The following SCFD1 variants were observed in gnomAD, a reference collection of about 807,000 sequenced individuals.
SCFD1 encodes sec1 family domain containing 1, also known as sec1 family domain-containing protein 1.
Under a neutral mutation model 103.2 loss-of-function variants are expected in SCFD1, and 37 were observed. The ratio of observed to expected loss-of-function variants is 0.36; its 90% CI spans 0.28 to 0.47. SCFD1 has a LOEUF of 0.47. Ranked by LOEUF, SCFD1 falls within the 20% of genes least tolerant of loss-of-function variation. The pLI is 1.00. For synonymous variants in SCFD1, 264 were observed against 245.0 expected (o/e 1.08, Z -0.73); for missense variants, 639 against 761.2 (o/e 0.84, Z 1.89).
At chr14:30,653,694 G>A in intron 10 of SCFD1, 106 bp downstream of exon 10, 1 of 719,050 alleles carries the variant, frequency 1.4e-6, no homozygotes, top group South Asian at 1.8e-5. Context: ...GAGAAGGATG[G>A]AACTGAGACC....
intron 23 of SCFD1, among the ~76,000 whole-genome samples, chr14:30,726,272 CCT>C (rs1340272627): frequency 6.6e-6 from 1 of 152,174 alleles, no homozygotes; most frequent in South Asian, 2.1e-4. Flanking sequence ...GACAGTTTTA[CCT>C]CTTTCTACCA....
chr14:30,640,611 A>T (rs989103118), intron 6 of SCFD1, among the ~76,000 whole-genome samples: 3 of 152,096 alleles, frequency 2.0e-5, no homozygotes, highest in Non-Finnish European at 4.4e-5. Flanking sequence ...TAACAAGTTT[A>T]ATCAGAAAAA....
intron 14 of SCFD1, among the ~76,000 whole-genome samples, chr14:30,692,303 G>C (rs1890372531): frequency 6.6e-6 from 1 of 152,146 alleles, no homozygotes; most frequent in East Asian, 1.9e-4. Context: ...GCTCTAAGGA[G>C]TTTACAGTTT....
chr14:30,682,992 C>T, intron 14 of SCFD1: 2 of 855,900 alleles, frequency 2.3e-6, no homozygotes, highest in Non-Finnish European at 3.6e-6. Flanking sequence ...AAAAGACAGA[C>T]CATCTAAGGA....
chr14:30,629,260 A>G (rs1883848588), intron 2 of SCFD1, among the ~76,000 whole-genome samples: 1 of 152,168 alleles, frequency 6.6e-6, no homozygotes, highest in South Asian at 2.1e-4. Context: ...TGCAACGTGA[A>G]CCTTTTATAA....
At chr14:30,631,026 A>G (rs1269490613) in intron 3 of SCFD1, 4 of 156,612 alleles carry the variant, frequency 2.6e-5, no homozygotes, top group African/African-American at 4.8e-5. Context: ...ACATTGGCCT[A>G]CAGTTGGGCA....
intron 5 of SCFD1, 131 bp from the exon 6 acceptor site, chr14:30,639,646 C>A: frequency 1.0e-6 from 1 of 959,980 alleles, no homozygotes; most frequent in Non-Finnish European, 1.4e-6. Context: ...TTACACAGTA[C>A]AATTTTTAGT....
intron 10 of SCFD1, among the ~76,000 whole-genome samples, chr14:30,669,465 GA>G (rs1888334557): frequency 6.6e-6 from 1 of 151,918 alleles, no homozygotes; most frequent in Admixed American, 6.6e-5. Context: ...GAAGTTGGGG[GA>G]AAGAAAAAAG....
At chr14:30,691,497 C>T (rs1324711440) in intron 14 of SCFD1, among the ~76,000 whole-genome samples, 2 of 152,180 alleles carry the variant, frequency 1.3e-5, no homozygotes, top group African/African-American at 2.4e-5. Flanking sequence ...TACTAGTTCT[C>T]TTATGCAGGT....
chr14:30,653,585 A>C lies in SCFD1; in HGVS notation c.852A>C (p.Val284=). The C allele has an allele frequency of 6.3e-7, 1 of 1,599,802 alleles. No homozygotes were observed. The highest frequency in any genetic ancestry group is 8.6e-7 in the Non-Finnish European group (1 of 1,167,866). ...TWTYQALVHD[V]LDFHLNRVNL... ...CATATCAAGCATTGGTGCACGATGT[A>C]CTGGTAAGAGACTAAATGCAGCACT... The change falls in exon 10 of 25, where the codon GTA becomes GTC. Residue 284 remains valine (V), a synonymous_variant. Transcript: ENST00000458591.
At position 30,678,320 on chromosome 14, in the gene SCFD1, G is replaced by A. The variant is rs144810692; in HGVS notation, c.1242+3255G>A. 8.9e-4 allele frequency among the ~76,000 whole-genome samples: 135 copies of A among 152,172 alleles called. 1 individual carries two copies. The highest frequency in any genetic ancestry group is 3.0e-3 in the African/African-American group (124 of 41,506). On this transcript the variant is annotated intron_variant, in intron 14 of 24. Transcript: ENST00000458591. The stretch of plus-strand genomic sequence containing the variant: ...TTTTAGAAATCCTGGCAGTTACCCC[G>A]CAATTGATGTTTTGGTGGAAAATTA...
intron 10 of SCFD1, among the ~76,000 whole-genome samples, chr14:30,660,708 ACAAT>A (rs1488268096): frequency 3.3e-5 from 5 of 152,076 alleles, no homozygotes; most frequent in Non-Finnish European, 5.9e-5. Flanking sequence ...ATTTGCAGAG[ACAAT>A]CAATAAAGTC....
intron 10 of SCFD1, among the ~76,000 whole-genome samples, chr14:30,663,219 G>A (rs1018147885): frequency 1.3e-5 from 2 of 152,014 alleles, no homozygotes; most frequent in Non-Finnish European, 2.9e-5. Context: ...TACTTTTAGA[G>A]CAGTAATTTT....
intron 7 of SCFD1, among the ~76,000 whole-genome samples, chr14:30,645,236 C>T (rs2139072885): frequency 1.3e-5 from 2 of 152,110 alleles, no homozygotes; most frequent in East Asian, 1.9e-4. Context: ...CCGTAAAAGC[C>T]GTGTAGTAGT....
At chr14:30,730,469 C>T (rs1320397910) in intron 23 of SCFD1, among the ~76,000 whole-genome samples, 11 of 152,206 alleles carry the variant, frequency 7.2e-5, no homozygotes, top group Admixed American at 3.9e-4. Flanking sequence ...GTTTACAGTC[C>T]CACCAACAGT....
At chr14:30,627,849 T>C (rs1594546931) in intron 1 of SCFD1, among the ~76,000 whole-genome samples, 2 of 116,592 alleles carry the variant, frequency 1.7e-5, no homozygotes, top group Non-Finnish European at 3.5e-5. Flanking sequence ...ACTAGACCAC[T>C]CAGACTTAAA....
chr14:30,695,298 A>T lies in SCFD1; in HGVS notation c.1339+429A>T, dbSNP rs557910279. 7.9e-5 allele frequency among the ~76,000 whole-genome samples: 12 copies of T among 152,300 alleles called. No individual in the cohort carries two copies. The East Asian group carries it at 2.3e-3, about 29-fold the overall frequency. ...TGTTTAGGGAGTTTACTTTTAAAGG[A>T]ACTCTATGGCCAATCACTTTAAATA... On this transcript the variant is annotated intron_variant, in intron 15 of 24. Transcript: ENST00000458591.
intron 10 of SCFD1, among the ~76,000 whole-genome samples, chr14:30,656,115 CAA>C (rs1297127053): frequency 3.0e-5 from 4 of 132,702 alleles, no homozygotes; most frequent in East Asian, 2.2e-4. Flanking sequence ...GACCCTGTCT[CAA>C]AAAAAAAAAA....
intron 14 of SCFD1, among the ~76,000 whole-genome samples, chr14:30,681,771 T>C (rs1302095729): frequency 6.6e-6 from 1 of 152,148 alleles, no homozygotes; most frequent in African/African-American, 2.4e-5. Flanking sequence ...ATTGCTCATA[T>C]TGGGCATTAT....
Sources: allele counts gnomAD v4.1 joint callset (sites outside exome capture counted in the v4.1 genomes callset), GRCh38; gene constraint gnomAD v4.1.1; transcripts MANE v1.5; gene names NCBI Gene and HGNC (gene_info 2026-07-23, HGNC 2026-07-21).